The following NOX4 variants were observed in gnomAD, a reference collection of about 807,000 sequenced individuals.
NOX4 encodes kidney oxidase-1.
Under a neutral mutation model 87.6 loss-of-function variants are expected in NOX4, and 69 were observed. The ratio of observed to expected loss-of-function variants is 0.79; its 90% CI spans 0.65 to 0.96. The LOEUF is 0.96. Among genes scored for constraint, NOX4 ranks in the 40% least tolerant of loss-of-function variants. The probability of loss-of-function intolerance (pLI) is 0.00; values close to 1 mark genes in which losing one functional copy is unlikely to be tolerated. For missense variants in NOX4, 680 were observed against 681.5 expected, an observed-to-expected ratio of 1.00 and a Z score of 0.02; for synonymous variants, 275 against 238.2, an observed-to-expected ratio of 1.15 and a Z score of -1.42.
intron 12 of NOX4, among the ~76,000 whole-genome samples, chr11:89,370,893 T>C (rs767115921): frequency 6.6e-6 from 1 of 152,010 alleles, no homozygotes; most frequent in African/African-American, 2.4e-5. Flanking sequence ...CTTGGAGAGA[T>C]CATTTCTGGA....
chr11:89,572,658 T>A, the NOX4 span, among the ~76,000 whole-genome samples: 1 of 152,190 alleles, frequency 6.6e-6, no homozygotes, highest in Non-Finnish European at 1.5e-5. Flanking sequence ...CACGCCATTC[T>A]CCTGCCTCAA....
At chr11:89,536,844 G>A in the NOX4 span, among the ~76,000 whole-genome samples, 6 of 152,156 alleles carry the variant, frequency 3.9e-5, no homozygotes, top group African/African-American at 1.4e-4. Flanking sequence ...ATTGCCCAAT[G>A]TATGAAGCCA....
the NOX4 span, among the ~76,000 whole-genome samples, chr11:89,523,171 G>A: frequency 1.3e-5 from 2 of 151,988 alleles, no homozygotes; most frequent in East Asian, 1.9e-4. Flanking sequence ...CTACAGGCAC[G>A]TGTCACCAAA....
chr11:89,461,791 A>G (rs1945480752), intron 2 of NOX4, among the ~76,000 whole-genome samples: 1 of 152,182 alleles, frequency 6.6e-6, no homozygotes, highest in Non-Finnish European at 1.5e-5. Flanking sequence ...ATTGACCAGT[A>G]AAATCCCACT....
the NOX4 span, among the ~76,000 whole-genome samples, chr11:89,572,187 G>A: frequency 6.6e-6 from 1 of 152,184 alleles, no homozygotes; most frequent in Non-Finnish European, 1.5e-5. Context: ...GGCTCTGTCA[G>A]GGGCCATGTC....
chr11:89,479,437 C>T (rs936142970), intron 2 of NOX4, among the ~76,000 whole-genome samples: 2 of 152,026 alleles, frequency 1.3e-5, no homozygotes, highest in African/African-American at 2.4e-5. Context: ...GAAAGGCATT[C>T]CATATAATCT....
At chr11:89,516,645 C>T in the NOX4 span, among the ~76,000 whole-genome samples, 1 of 152,026 alleles carries the variant, frequency 6.6e-6, no homozygotes, top group Non-Finnish European at 1.5e-5. Flanking sequence ...TACTAGGATC[C>T]TTGAGGGTCT....
chr11:89,440,253 A>G (rs1944398674), intron 6 of NOX4, among the ~76,000 whole-genome samples: 1 of 152,146 alleles, frequency 6.6e-6, no homozygotes, highest in Non-Finnish European at 1.5e-5. Context: ...AATTGTCCAT[A>G]TGTTATATTT....
At chr11:89,390,977 T>G (rs1941078809) in intron 11 of NOX4, among the ~76,000 whole-genome samples, 1 of 152,130 alleles carries the variant, frequency 6.6e-6, no homozygotes, top group African/African-American at 2.4e-5. Flanking sequence ...TTTCTGTAGT[T>G]GCACCCTCTA....
chr11:89,515,877 A>C, the NOX4 span, among the ~76,000 whole-genome samples: 2 of 152,004 alleles, frequency 1.3e-5, no homozygotes, highest in African/African-American at 4.8e-5. Context: ...GTTGCAAAAA[A>C]ATTACCTGAA....
At chr11:89,412,671 TA>T (rs576232020) in intron 8 of NOX4, among the ~76,000 whole-genome samples, 1 of 151,852 alleles carries the variant, frequency 6.6e-6, no homozygotes, top group Non-Finnish European at 1.5e-5. Flanking sequence ...CTTCCTAAAT[TA>T]AAAAAATCAA....
chr11:89,450,763 C>G (rs1397674647), intron 3 of NOX4, among the ~76,000 whole-genome samples: 1 of 147,200 alleles, frequency 6.8e-6, no homozygotes, highest in East Asian at 2.0e-4. Context: ...TATTTCTCTG[C>G]ACACGTATGT....
intron 11 of NOX4, among the ~76,000 whole-genome samples, chr11:89,378,381 T>C (rs1940019465): frequency 6.6e-6 from 1 of 152,198 alleles, no homozygotes; most frequent in Non-Finnish European, 1.5e-5. Context: ...AAAGCCATCA[T>C]TTCATAAAGA....
At chr11:89,383,308 C>T (rs1002013653) in intron 11 of NOX4, among the ~76,000 whole-genome samples, 4 of 152,212 alleles carry the variant, frequency 2.6e-5, no homozygotes, top group African/African-American at 9.6e-5. Context: ...GCCCAGGATT[C>T]CTCCTAAGCC....
intron 11 of NOX4, among the ~76,000 whole-genome samples, chr11:89,390,458 T>C (rs1443298372): frequency 1.3e-5 from 2 of 152,208 alleles, no homozygotes; most frequent in African/African-American, 2.4e-5. Context: ...ATTTAAAATA[T>C]CTATGAGATA....
intron 12 of NOX4, among the ~76,000 whole-genome samples, chr11:89,371,033 G>A (rs1239879543): frequency 6.6e-6 from 1 of 151,894 alleles, no homozygotes; most frequent in Non-Finnish European, 1.5e-5. Context: ...AACCTCTTAG[G>A]TATCTCTTTG....
At chr11:89,554,448 ATTC>A in the NOX4 span, among the ~76,000 whole-genome samples, 1 of 152,152 alleles carries the variant, frequency 6.6e-6, no homozygotes, top group Non-Finnish European at 1.5e-5. Flanking sequence ...CTTTCTCATT[ATTC>A]TTCTCTTACT....
rs898895759 is a variant in NOX4 at position 89,491,025 on chromosome 11, G to A, written c.57+165C>T. The A allele has an allele frequency of 2.7e-5, 21 of 771,356 alleles. 1 individual carries two copies. Among genetic ancestry groups the A allele is most frequent in the African/African-American group, 2.2e-4 (13 of 58,108 alleles). 47.8% of individuals were successfully genotyped at this position (771,356 alleles called of 1,614,324 possible). On this transcript the variant is annotated intron_variant, in intron 1 of 17. Coordinates refer to ENST00000263317, the MANE Select transcript of NOX4 (RefSeq NM_016931.5). Reference sequence around the variant, plus strand: ...TGGGGGACAGGCGAGGGGGTGGGAGGGGGAGTGTTCATTGTTATCTCCAGC... The same window carrying A: ...TGGGGGACAGGCGAGGGGGTGGGAGAGGGAGTGTTCATTGTTATCTCCAGC...
In NOX4 at chr11:89,354,824, T is replaced by C. The variant is rs551571277; in HGVS notation, c.1217+138A>G. On this transcript the variant is annotated intron_variant, in intron 13 of 17. Coordinates refer to ENST00000263317, the MANE Select transcript of NOX4 (RefSeq NM_016931.5). ...GCCTGAGACATTATATTGCAGAAGATGTCTTAGTTAGTTAGGGTAAGTTAT... is the reference window on the plus strand; with the variant it reads ...GCCTGAGACATTATATTGCAGAAGACGTCTTAGTTAGTTAGGGTAAGTTAT... 188 of 545,986 alleles carry C rather than the reference T, an allele frequency of 3.4e-4. 3 individuals carry two copies. The South Asian group carries it at 4.4e-3, about 13-fold the overall frequency. The allele number at this position is 545,986 out of a possible 1,614,324, so 33.8% of individuals were successfully genotyped here.
Sources: allele counts gnomAD v4.1 joint callset (sites outside exome capture counted in the v4.1 genomes callset), GRCh38; gene constraint gnomAD v4.1.1; transcripts MANE v1.5; gene names NCBI Gene and HGNC (gene_info 2026-07-23, HGNC 2026-07-21).